GLIS3: variants seen among roughly 807,000 people sequenced by gnomAD.
GLIS3 encodes GLIS family zinc finger 3.
GLIS3 carries 53 observed loss-of-function variants against 78.6 expected under a neutral mutation model. The observed-to-expected ratio is 0.67, with a 90% CI of 0.54 to 0.85. GLIS3 has a LOEUF of 0.85. GLIS3 is among the 40% of genes least tolerant of loss of function. GLIS3 has a pLI of 0.00. For missense variants in GLIS3, 1,703 were observed against 1,231.1 expected (o/e 1.38, Z -5.74); for synonymous variants, 684 against 509.9 (o/e 1.34, Z -4.60).
At chr9:4,254,323 G>A (rs1354697296) in intron 2 of GLIS3, among the ~76,000 whole-genome samples, 1 of 152,150 alleles carries the variant, frequency 6.6e-6, no homozygotes, top group African/African-American at 2.4e-5. Context: ...ACCAAGAAAC[G>A]TGTTGGATCT....
At chr9:4,147,367 A>G (rs977862378) in intron 2 of GLIS3, 2 of 152,180 alleles carry the variant, frequency 1.3e-5, no homozygotes, top group Non-Finnish European at 1.5e-5. Flanking sequence ...TCATGTTCTC[A>G]GGCTGTTTGG....
chr9:4,359,866 TTCC>T, the GLIS3 span, among the ~76,000 whole-genome samples: 1 of 152,036 alleles, frequency 6.6e-6, no homozygotes, highest in East Asian at 1.9e-4. Flanking sequence ...ATATGTATTC[TTCC>T]TTTGTTCTAT....
chr9:3,945,151 C>T (rs578149749), intron 4 of GLIS3, among the ~76,000 whole-genome samples: 141 of 152,316 alleles, frequency 9.3e-4, no homozygotes, highest in Middle Eastern at 6.8e-3. Flanking sequence ...AAACTCCAAG[C>T]ATCATACTCG....
At chr9:4,385,787 A>G in the GLIS3 span, among the ~76,000 whole-genome samples, 2 of 80,558 alleles carry the variant, frequency 2.5e-5, no homozygotes, top group African/African-American at 6.7e-5. Flanking sequence ...GAAAGAAAGA[A>G]AGAAAGAAAG....
At chr9:3,891,380 A>C (rs1028578034) in intron 7 of GLIS3, among the ~76,000 whole-genome samples, 1 of 152,128 alleles carries the variant, frequency 6.6e-6, no homozygotes, top group African/African-American at 2.4e-5. Context: ...GATCACAGGG[A>C]TTGTACAAAA....
At chr9:3,975,693 A>G (rs912332941) in intron 4 of GLIS3, among the ~76,000 whole-genome samples, 2 of 152,158 alleles carry the variant, frequency 1.3e-5, no homozygotes, top group African/African-American at 4.8e-5. Context: ...CCAAATAAAC[A>G]TATTTGGTTC....
chr9:4,127,582 C>G (rs1405341271), intron 2 of GLIS3, among the ~76,000 whole-genome samples: 1 of 152,034 alleles, frequency 6.6e-6, no homozygotes, highest in Non-Finnish European at 1.5e-5. Context: ...AATTCAATAT[C>G]TTTAAAAATC....
chr9:4,180,509 T>C (rs7046873), intron 2 of GLIS3, among the ~76,000 whole-genome samples: 11,440 of 152,226 alleles, frequency 0.075, 567 homozygotes, highest in East Asian at 0.23. Flanking sequence ...CTTTGTGACA[T>C]ACTGCCCAGT....
chr9:3,985,796 T>A (rs149917698), intron 4 of GLIS3, among the ~76,000 whole-genome samples: 1 of 152,258 alleles, frequency 6.6e-6, no homozygotes, highest in Non-Finnish European at 1.5e-5. Flanking sequence ...TCATCCACGT[T>A]AGAAGCATTT....
At chr9:4,216,248 A>C (rs1046345512) in intron 2 of GLIS3, among the ~76,000 whole-genome samples, 1 of 152,122 alleles carries the variant, frequency 6.6e-6, no homozygotes, top group African/African-American at 2.4e-5. Flanking sequence ...CGAGGTGGGC[A>C]GATCATGAGG....
upstream of GLIS3, among the ~76,000 whole-genome samples, chr9:4,304,147 C>G (rs188663662): frequency 1.3e-5 from 2 of 152,318 alleles, no homozygotes; most frequent in Admixed American, 1.3e-4. Flanking sequence ...AATGACACAA[C>G]TCATTGTTAT....
chr9:4,208,302 G>A (rs1034577960), intron 2 of GLIS3, among the ~76,000 whole-genome samples: 3 of 152,200 alleles, frequency 2.0e-5, no homozygotes, highest in Non-Finnish European at 2.9e-5. Context: ...GGGATGGAGA[G>A]GACTCCTGTT....
At chr9:4,433,628 T>A in the GLIS3 span, among the ~76,000 whole-genome samples, 4 of 152,244 alleles carry the variant, frequency 2.6e-5, no homozygotes, top group Admixed American at 6.5e-5. Flanking sequence ...AAGTCAGAAA[T>A]ATGTTTAGCT....
chr9:3,858,294 C>G (rs1563782998), intron 8 of GLIS3, among the ~76,000 whole-genome samples: 2 of 152,014 alleles, frequency 1.3e-5, no homozygotes, highest in African/African-American at 4.8e-5. Flanking sequence ...ATATCTAGAT[C>G]CTATATATAT....
intron 1 of GLIS3, chr9:4,347,280 C>T (rs1817908629): frequency 6.6e-6 from 1 of 152,164 alleles, no homozygotes; most frequent in Admixed American, 6.5e-5. Flanking sequence ...AGAACTCACT[C>T]ACTACCCCTC....
At chr9:4,238,364 T>C (rs1167500771) in intron 2 of GLIS3, among the ~76,000 whole-genome samples, 2 of 152,144 alleles carry the variant, frequency 1.3e-5, no homozygotes, top group African/African-American at 2.4e-5. Context: ...AATATGACCG[T>C]GAATATACTC....
At chr9:4,272,960 T>C (rs1319434443) in intron 2 of GLIS3, among the ~76,000 whole-genome samples, 3 of 152,234 alleles carry the variant, frequency 2.0e-5, no homozygotes, top group Non-Finnish European at 4.4e-5. Context: ...GTAAAATCTT[T>C]AGATGGGAGA....
At chr9:4,157,371 A>G (rs1835116527) in intron 2 of GLIS3, among the ~76,000 whole-genome samples, 1 of 152,300 alleles carries the variant, frequency 6.6e-6, no homozygotes, top group Admixed American at 6.5e-5. Flanking sequence ...AGCTCTCAAC[A>G]GGGCACGATT....
upstream of GLIS3, among the ~76,000 whole-genome samples, chr9:4,300,411 C>G (rs190153871): frequency 2.0e-5 from 3 of 151,754 alleles, no homozygotes; most frequent in Admixed American, 2.0e-4. Flanking sequence ...AACAAACAAC[C>G]AAAAAAATCC....
Sources: gnomAD v4.1 joint callset for allele counts (sites outside exome capture counted in the v4.1 genomes callset) on GRCh38, gnomAD v4.1.1 for gene constraint, MANE v1.5 for transcripts, NCBI Gene and HGNC (gene_info 2026-07-23, HGNC 2026-07-21) for gene names.